The following ADAMTS3 variants were observed in gnomAD, a reference collection of about 807,000 sequenced individuals.
ADAMTS3 encodes ADAM metallopeptidase with thrombospondin type 1 motif 3.
A neutral mutation model predicts 129.0 loss-of-function variants in ADAMTS3; 73 were observed. That is an observed-to-expected ratio of 0.57 (90% CI 0.47 to 0.69). The LOEUF is 0.69. Ranked by LOEUF, ADAMTS3 falls within the 30% of genes least tolerant of loss-of-function variation. The pLI is 0.00. For synonymous variants in ADAMTS3, 477 were observed against 510.8 expected (o/e 0.93, Z 0.89); for missense variants, 1,457 against 1,514.5 (o/e 0.96, Z 0.63).
Position 72,323,029 on chromosome 4 carries a change from C to T in ADAMTS3, c.930G>A (p.Met310Ile). The change falls in exon 6 of 22, where the codon ATG becomes ATA. Residue 310 changes from methionine to isoleucine, a missense_variant. Met to Ile is a conservative substitution (Grantham distance 10). Transcript: ENST00000286657. ...GACATTTTACCTTTGCATATCCCAG[C>T]ATTATCATGCGCACCAGGACCACAT... Reference protein sequence around the residue: ...HINVVLVRMIMLGYAKSISLI... With the variant: ...HINVVLVRMIILGYAKSISLI... 6.2e-7 allele frequency: 1 copy of T among 1,613,300 alleles called. No individual in the cohort carries two copies. Among genetic ancestry groups the T allele is most frequent in the African/African-American group, 1.3e-5 (1 of 75,020 alleles).
chr4:72,377,976 A>G (rs1226361530), intron 4 of ADAMTS3, among the ~76,000 whole-genome samples: 41 of 152,154 alleles, frequency 2.7e-4, no homozygotes, highest in Admixed American at 2.7e-3. Flanking sequence ...CTTTCTGCAT[A>G]CTCGGAGTAA....
At chr4:72,307,104 A>T (rs1373626690) in intron 15 of ADAMTS3, among the ~76,000 whole-genome samples, 1 of 152,038 alleles carries the variant, frequency 6.6e-6, no homozygotes, top group African/African-American at 2.4e-5. Flanking sequence ...CCAGTTATCA[A>T]TCCACAATTA....
At chr4:72,283,875 A>C (rs1718427016) in intron 21 of ADAMTS3, among the ~76,000 whole-genome samples, 171 bp from the exon 22 acceptor site, 1 of 152,224 alleles carries the variant, frequency 6.6e-6, no homozygotes, top group East Asian at 1.9e-4. Flanking sequence ...GAATGAATTC[A>C]CTAAAATAAG....
intron 5 of ADAMTS3, chr4:72,330,503 C>A (rs1026883490): frequency 1.7e-4 from 26 of 152,166 alleles, no homozygotes; most frequent in African/African-American, 6.3e-4. Flanking sequence ...ACTAAATCAT[C>A]CTTGATTCCT....
intron 4 of ADAMTS3, among the ~76,000 whole-genome samples, chr4:72,393,949 A>G (rs1394427578): frequency 6.6e-6 from 1 of 152,230 alleles, no homozygotes; most frequent in Non-Finnish European, 1.5e-5. Context: ...GTAGAAGATT[A>G]AAAGTAAACT....
At position 72,313,838 on chromosome 4, in the gene ADAMTS3, A is replaced by C; in HGVS notation, c.1600-16T>G. 1 of 1,613,422 alleles carries C rather than the reference A, an allele frequency of 6.2e-7. No homozygotes were observed. The highest frequency in any genetic ancestry group is 8.5e-7 in the Non-Finnish European group (1 of 1,179,566). On this transcript the variant is annotated splice_polypyrimidine_tract_variant and intron_variant, in intron 11 of 21. Coordinates refer to ENST00000286657, the MANE Select transcript of ADAMTS3 (RefSeq NM_014243.3). ...TATAGCACCACTTAGAAAAATGACA[A>C]AAGGTAATTATTAAAATCACGCATA... is the stretch of plus-strand genomic sequence containing the variant.
chr4:72,419,114 C>G (rs1215189686), intron 3 of ADAMTS3, among the ~76,000 whole-genome samples: 1 of 152,010 alleles, frequency 6.6e-6, no homozygotes, highest in Non-Finnish European at 1.5e-5. Flanking sequence ...AATGAGGTGC[C>G]CCCGTCTAAA....
At chr4:72,561,594 T>C (rs1721906147) in intron 2 of ADAMTS3, among the ~76,000 whole-genome samples, 1 of 152,188 alleles carries the variant, frequency 6.6e-6, no homozygotes, top group Non-Finnish European at 1.5e-5. Context: ...TCATGAATAA[T>C]GCCATCAATC....
chr4:72,435,405 TA>T (rs1284713629), intron 3 of ADAMTS3, among the ~76,000 whole-genome samples: 2 of 151,888 alleles, frequency 1.3e-5, no homozygotes, highest in African/African-American at 4.8e-5. Context: ...ATTGAAATGT[TA>T]ACCGATGTTG....
rs1284966668 is a variant in ADAMTS3 at position 72,530,416 on chromosome 4, TATATA to T, written c.504+18057_504+18061del. Among the ~76,000 whole-genome samples the T allele has an allele frequency of 2.2e-3, 184 of 85,070 alleles. 1 individual carries two copies. The highest frequency in any genetic ancestry group is 8.4e-3 in the African/African-American group (174 of 20,826). The allele number at this position is 85,070 out of a possible 152,430, so 55.8% of individuals were successfully genotyped here. ...TAACATATATGAATTTAATATATAA[TATATA>T]TTAAATTAATATATGTTAATTTAAT... is the stretch of plus-strand genomic sequence containing the variant. On this transcript the variant is annotated intron_variant, in intron 3 of 21. Transcript: ENST00000286657.
intron 4 of ADAMTS3, among the ~76,000 whole-genome samples, chr4:72,370,593 CA>C: frequency 6.6e-6 from 1 of 151,952 alleles, no homozygotes; most frequent in Non-Finnish European, 1.5e-5. Context: ...ACTGAAAATA[CA>C]AAAAAATTAG....
chr4:72,568,258 C>G (rs1465273750), intron 1 of ADAMTS3, among the ~76,000 whole-genome samples: 2 of 152,114 alleles, frequency 1.3e-5, no homozygotes, highest in African/African-American at 4.8e-5. Flanking sequence ...TGAGTCAGTT[C>G]GGAGGAGAGA....
intron 17 of ADAMTS3, among the ~76,000 whole-genome samples, chr4:72,300,455 C>T (rs1337533740): frequency 2.0e-5 from 3 of 152,136 alleles, no homozygotes; most frequent in African/African-American, 7.2e-5. Flanking sequence ...GCATGAAATA[C>T]AGCTTCTGGC....
At chr4:72,507,443 T>A (rs1450946388) in intron 3 of ADAMTS3, among the ~76,000 whole-genome samples, 2 of 152,188 alleles carry the variant, frequency 1.3e-5, no homozygotes, top group African/African-American at 2.4e-5. Context: ...CCATTCCAAT[T>A]TCCCAGGAAC....
chr4:72,495,712 C>T (rs1719857733), intron 3 of ADAMTS3, among the ~76,000 whole-genome samples: 1 of 76,088 alleles, frequency 1.3e-5, no homozygotes, highest in African/African-American at 4.6e-5. Context: ...AAAAAAGCAA[C>T]TTTCTCACAG....
At chr4:72,316,901 A>G (rs987040819) in intron 10 of ADAMTS3, among the ~76,000 whole-genome samples, 6 of 152,128 alleles carry the variant, frequency 3.9e-5, no homozygotes, top group Admixed American at 2.6e-4. Flanking sequence ...TTAGGGCTAT[A>G]GTTATGGTTA....
intron 3 of ADAMTS3, among the ~76,000 whole-genome samples, chr4:72,438,412 A>G (rs1718027185): frequency 6.6e-6 from 1 of 151,818 alleles, no homozygotes; most frequent in Admixed American, 6.6e-5. Flanking sequence ...AACAAAAATA[A>G]TTAGTCCATT....
At chr4:72,345,263 A>G (rs1369840795) in intron 4 of ADAMTS3, among the ~76,000 whole-genome samples, 1 of 152,156 alleles carries the variant, frequency 6.6e-6, no homozygotes, top group Non-Finnish European at 1.5e-5. Flanking sequence ...TACAGGCTGG[A>G]TTTTCCAAGA....
intron 3 of ADAMTS3, among the ~76,000 whole-genome samples, chr4:72,449,961 C>T (rs181084778): frequency 2.0e-5 from 3 of 151,822 alleles, no homozygotes; most frequent in East Asian, 2.0e-4. Context: ...TATTTATCTG[C>T]ATAACATTAA....
Sources: gnomAD v4.1 joint callset for allele counts (sites outside exome capture counted in the v4.1 genomes callset) on GRCh38, gnomAD v4.1.1 for gene constraint, MANE v1.5 for transcripts, NCBI Gene and HGNC (gene_info 2026-07-23, HGNC 2026-07-21) for gene names.